The following QTMAN variants were observed in gnomAD, a reference collection of about 807,000 sequenced individuals.
QTMAN encodes the protein tRNA-queuosine alpha-mannosyltransferase.
the QTMAN span, among the ~76,000 whole-genome samples, chr2:144,048,827 C>G: frequency 6.6e-6 from 1 of 151,886 alleles, no homozygotes; most frequent in Admixed American, 6.6e-5. Flanking sequence ...CATACACACA[C>G]ACACACACAC....
chr2:144,249,612 T>C, the QTMAN span, among the ~76,000 whole-genome samples: 35 of 152,232 alleles, frequency 2.3e-4, no homozygotes, highest in Non-Finnish European at 4.6e-4. Flanking sequence ...TACACTTTTA[T>C]TCTTCAAATT....
chr2:144,122,414 G>C, the QTMAN span, among the ~76,000 whole-genome samples: 3 of 152,170 alleles, frequency 2.0e-5, no homozygotes, highest in Non-Finnish European at 2.9e-5. Flanking sequence ...TAATCATCAA[G>C]ATTCAGGTCA....
At chr2:144,141,287 T>C in the QTMAN span, among the ~76,000 whole-genome samples, 2 of 151,762 alleles carry the variant, frequency 1.3e-5, no homozygotes, top group Non-Finnish European at 2.9e-5. Flanking sequence ...ACATCATCCA[T>C]TGCTAATTCA....
chr2:144,123,400 C>T, the QTMAN span, among the ~76,000 whole-genome samples: 3 of 152,248 alleles, frequency 2.0e-5, no homozygotes, highest in South Asian at 4.1e-4. Flanking sequence ...ATAACCTGAA[C>T]ATTTGAGCGT....
chr2:144,139,231 A>G, the QTMAN span, among the ~76,000 whole-genome samples: 3 of 152,050 alleles, frequency 2.0e-5, no homozygotes, highest in African/African-American at 4.8e-5. Context: ...CTTTTAGGAG[A>G]GTAGTTCTCT....
chr2:143,985,129 A>G, the QTMAN span, among the ~76,000 whole-genome samples: 1 of 152,214 alleles, frequency 6.6e-6, no homozygotes, highest in East Asian at 1.9e-4. Context: ...GAGCATTGTA[A>G]CATGCTTGGA....
At chr2:144,189,158 C>CAT in the QTMAN span, among the ~76,000 whole-genome samples, 1 of 152,166 alleles carries the variant, frequency 6.6e-6, no homozygotes, top group African/African-American at 2.4e-5. Context: ...TGTATGCATA[C>CAT]ATATATGCAT....
At chr2:144,021,632 T>C in the QTMAN span, among the ~76,000 whole-genome samples, 2 of 152,100 alleles carry the variant, frequency 1.3e-5, no homozygotes, top group African/African-American at 4.8e-5. Context: ...TTAGTGACAG[T>C]GACAGAGCTT....
chr2:144,239,088 G>C, the QTMAN span, among the ~76,000 whole-genome samples: 1 of 150,504 alleles, frequency 6.6e-6, no homozygotes, highest in African/African-American at 2.5e-5. Flanking sequence ...AAATGCTAAG[G>C]CTATTCGAAT....
At chr2:143,938,800 T>TA in the QTMAN span, 1 of 152,262 alleles carries the variant, frequency 6.6e-6, no homozygotes, top group Non-Finnish European at 1.5e-5. Flanking sequence ...CAGTAATTCT[T>TA]AGAGATCTTC....
the QTMAN span, among the ~76,000 whole-genome samples, chr2:144,015,382 C>G: frequency 6.6e-6 from 1 of 152,164 alleles, no homozygotes; most frequent in Non-Finnish European, 1.5e-5. Flanking sequence ...GCATTCTCTG[C>G]CCACTGGTGG....
At chr2:144,157,707 C>G in the QTMAN span, among the ~76,000 whole-genome samples, 2 of 151,966 alleles carry the variant, frequency 1.3e-5, no homozygotes, top group East Asian at 3.9e-4. Context: ...AAGGTAAATA[C>G]TTGAGACCAC....
the QTMAN span, among the ~76,000 whole-genome samples, chr2:143,962,319 A>T: frequency 6.6e-6 from 1 of 152,130 alleles, no homozygotes; most frequent in Non-Finnish European, 1.5e-5. Context: ...GGAGGAAGAA[A>T]GGAATTTAAG....
the QTMAN span, among the ~76,000 whole-genome samples, chr2:143,954,883 T>C: frequency 8.5e-5 from 13 of 152,182 alleles, no homozygotes; most frequent in Non-Finnish European, 1.5e-5. Flanking sequence ...GTAAATGACC[T>C]TTTTATTCCA....
chr2:144,128,933 C>G, the QTMAN span, among the ~76,000 whole-genome samples: 2 of 151,606 alleles, frequency 1.3e-5, no homozygotes, highest in Non-Finnish European at 2.9e-5. Flanking sequence ...ACTCACCCCC[C>G]ACCCCTTGTC....
chr2:143,939,894 C>G, the QTMAN span: 1 of 152,176 alleles, frequency 6.6e-6, no homozygotes. Flanking sequence ...TTTCTACCCC[C>G]CACATTTGTC....
At chr2:144,157,905 C>T in the QTMAN span, among the ~76,000 whole-genome samples, 1 of 151,884 alleles carries the variant, frequency 6.6e-6, no homozygotes, top group Non-Finnish European at 1.5e-5. Context: ...TGCTCCTTTG[C>T]ATTTTGGCAG....
the QTMAN span, among the ~76,000 whole-genome samples, chr2:144,133,228 T>A: frequency 1.5e-5 from 1 of 67,036 alleles, no homozygotes; most frequent in African/African-American, 7.7e-5. Flanking sequence ...TATAAATATA[T>A]ATTTATATTT....
At chr2:144,327,188 T>C in the QTMAN span, among the ~76,000 whole-genome samples, 1 of 152,292 alleles carries the variant, frequency 6.6e-6, no homozygotes, top group East Asian at 1.9e-4. Context: ...TGGAGGTTCC[T>C]GGAGAGAGAT....
Sources: gnomAD v4.1 joint callset for allele counts (sites outside exome capture counted in the v4.1 genomes callset) on GRCh38, gnomAD v4.1.1 for gene constraint, MANE v1.5 for transcripts, NCBI Gene and HGNC (gene_info 2026-07-23, HGNC 2026-07-21) for gene names.